PTPRD: variants seen among roughly 807,000 people sequenced by gnomAD.
The protein encoded by PTPRD is protein tyrosine phosphatase receptor type D.
Under a neutral mutation model 214.5 loss-of-function variants are expected in PTPRD, and 34 were observed. The ratio of observed to expected loss-of-function variants is 0.16; its 90% CI spans 0.12 to 0.21. The LOEUF (loss-of-function observed/expected upper bound fraction) is 0.21, where lower values mean the gene tolerates loss of function less well. Among genes scored for constraint, PTPRD ranks in the 10% least tolerant of loss-of-function variants. PTPRD has a pLI of 1.00. For missense variants in PTPRD, 2,545 were observed against 2,398.7 expected (o/e 1.06, Z -1.27); for synonymous variants, 1,128 against 845.7 (o/e 1.33, Z -5.79).
chr9:8,826,564 A>T (rs1040808969), intron 11 of PTPRD, among the ~76,000 whole-genome samples: 11 of 151,202 alleles, frequency 7.3e-5, no homozygotes, highest in East Asian at 5.8e-4. Flanking sequence ...TATCCAACTG[A>T]TTCCTTCTCA....
chr9:9,530,619 G>T (rs2075249631), intron 8 of PTPRD, among the ~76,000 whole-genome samples: 1 of 152,096 alleles, frequency 6.6e-6, no homozygotes, highest in South Asian at 2.1e-4. Flanking sequence ...ATACAGAATT[G>T]ACTAAATGTC....
chr9:10,417,420 C>G (rs2098502298), intron 2 of PTPRD, among the ~76,000 whole-genome samples: 1 of 151,734 alleles, frequency 6.6e-6, no homozygotes, highest in Admixed American at 6.6e-5. Context: ...TGCCTGGCCC[C>G]CTAACTCTGT....
At position 8,964,069 on chromosome 9, in the gene PTPRD, G is replaced by A. The variant is rs1281468629; in HGVS notation, c.-104+54628C>T. The stretch of plus-strand genomic sequence containing the variant: ...CAGGGTGATGCTGGCTTCATAGAAT[G>A]AGTCATAGAGGAGTCCCTCCTCCTT... On this transcript the variant is annotated intron_variant, in intron 11 of 45. Transcript: ENST00000381196. Among the ~76,000 whole-genome samples the A allele has an allele frequency of 5.3e-5, 8 of 151,950 alleles. No homozygotes were observed. The South Asian group carries it at 1.0e-3, about 20-fold the overall frequency.
At chr9:9,198,777 G>T (rs1478860627) in intron 9 of PTPRD, among the ~76,000 whole-genome samples, 1 of 152,092 alleles carries the variant, frequency 6.6e-6, no homozygotes, top group African/African-American at 2.4e-5. Flanking sequence ...TACCTTAATG[G>T]AAAATATCTG....
At chr9:10,065,569 C>G (rs932677692) in intron 3 of PTPRD, among the ~76,000 whole-genome samples, 3 of 151,764 alleles carry the variant, frequency 2.0e-5, no homozygotes, top group African/African-American at 7.3e-5. Flanking sequence ...TGGTCTGATA[C>G]ATTTGTGTTC....
At chr9:8,361,482 G>A (rs773875418) in intron 39 of PTPRD, among the ~76,000 whole-genome samples, 1 of 152,140 alleles carries the variant, frequency 6.6e-6, no homozygotes, top group African/African-American at 2.4e-5. Flanking sequence ...AGCAGTCTAG[G>A]TATCAGATTA....
Position 10,233,881 on chromosome 9 carries a change from C to G in PTPRD, c.-545+107082G>C, listed in dbSNP as rs1410519808. Among the ~76,000 whole-genome samples, 8 of 151,798 alleles carry G rather than the reference C, an allele frequency of 5.3e-5. No individual in the cohort carries two copies. The East Asian group carries it at 1.6e-3, about 30-fold the overall frequency. ...TAGCCCTAGTAAGAGGACTCAGGGG[C>G]AAATCAAAAGTTTTACCTTTAATTG... is the stretch of plus-strand genomic sequence containing the variant. On this transcript the variant is annotated intron_variant, in intron 3 of 45. Coordinates refer to ENST00000381196, the MANE Select transcript of PTPRD (RefSeq NM_002839.4).
chr9:9,956,212 A>C (rs1166278806), intron 4 of PTPRD, among the ~76,000 whole-genome samples: 2 of 150,726 alleles, frequency 1.3e-5, no homozygotes, highest in African/African-American at 4.9e-5. Flanking sequence ...TTTGTTCTTT[A>C]TGGGGAAAGG....
intron 6 of PTPRD, among the ~76,000 whole-genome samples, chr9:9,741,553 C>T (rs1056125878): frequency 4.6e-5 from 7 of 151,946 alleles, no homozygotes; most frequent in African/African-American, 1.5e-4. Context: ...TTTGCTGCAC[C>T]CATCAACCCA....
At chr9:8,777,109 A>G (rs2154491424) in intron 11 of PTPRD, among the ~76,000 whole-genome samples, 1 of 151,982 alleles carries the variant, frequency 6.6e-6, no homozygotes, top group Non-Finnish European at 1.5e-5. Flanking sequence ...CCTCCCAAGT[A>G]GCTGGAACTA....
At chr9:10,199,205 T>C (rs893379961) in intron 3 of PTPRD, among the ~76,000 whole-genome samples, 1 of 152,120 alleles carries the variant, frequency 6.6e-6, no homozygotes, top group African/African-American at 2.4e-5. Context: ...TTTCCTCGTA[T>C]ATTTGTTAAA....
At chr9:9,381,032 G>C (rs1286464207) in intron 9 of PTPRD, among the ~76,000 whole-genome samples, 3 of 151,826 alleles carry the variant, frequency 2.0e-5, no homozygotes, top group African/African-American at 7.3e-5. Context: ...TGTTAGTATG[G>C]CATATTTTTC....
At chr9:9,418,865 A>G (rs1471832974) in intron 8 of PTPRD, among the ~76,000 whole-genome samples, 1 of 151,946 alleles carries the variant, frequency 6.6e-6, no homozygotes, top group Non-Finnish European at 1.5e-5. Context: ...TTTGCATGGA[A>G]CTTCAAAAGG....
chr9:9,919,249 T>A (rs572073029), intron 5 of PTPRD, among the ~76,000 whole-genome samples: 130 of 152,198 alleles, frequency 8.5e-4, no homozygotes, highest in African/African-American at 3.0e-3. Flanking sequence ...TTCTAACTAG[T>A]TTCAGGACCC....
chr9:9,168,205 C>A (rs1019359420), intron 10 of PTPRD, among the ~76,000 whole-genome samples: 3 of 152,108 alleles, frequency 2.0e-5, no homozygotes, highest in Non-Finnish European at 4.4e-5. Context: ...TTGTATAGGC[C>A]ACAAGGTCTA....
At chr9:9,350,162 C>G (rs1332123718) in intron 9 of PTPRD, among the ~76,000 whole-genome samples, 1 of 151,888 alleles carries the variant, frequency 6.6e-6, no homozygotes. Flanking sequence ...CTTTTTTCAG[C>G]CTTAGTATCA....
At chr9:8,772,149 A>C (rs1035402934) in intron 11 of PTPRD, among the ~76,000 whole-genome samples, 12 of 152,032 alleles carry the variant, frequency 7.9e-5, no homozygotes, top group African/African-American at 2.7e-4. Flanking sequence ...CAACAACAAC[A>C]ACAACAACAA....
At chr9:10,167,136 T>A (rs964116303) in intron 3 of PTPRD, among the ~76,000 whole-genome samples, 3 of 149,592 alleles carry the variant, frequency 2.0e-5, no homozygotes, top group African/African-American at 7.5e-5. Context: ...TTTTTTTTCA[T>A]AACAAATCTA....
chr9:9,607,299 T>A (rs2154342078), intron 7 of PTPRD, among the ~76,000 whole-genome samples: 1 of 152,290 alleles, frequency 6.6e-6, no homozygotes, highest in South Asian at 2.1e-4. Flanking sequence ...ATGGGTCTTT[T>A]ATCCAAATAA....
Sources: allele counts gnomAD v4.1 joint callset (sites outside exome capture counted in the v4.1 genomes callset), GRCh38; gene constraint gnomAD v4.1.1; transcripts MANE v1.5; gene names NCBI Gene and HGNC (gene_info 2026-07-23, HGNC 2026-07-21).